The following RUBCNL variants were observed in gnomAD, a reference collection of about 807,000 sequenced individuals.
The protein encoded by RUBCNL is protein associated with UVRAG as autophagy enhancer.
RUBCNL carries 62 observed loss-of-function variants against 69.5 expected under a neutral mutation model. The observed-to-expected ratio is 0.89, with a 90% CI of 0.73 to 1.10. RUBCNL has a LOEUF of 1.10. Among genes scored for constraint, RUBCNL ranks in the 50% least tolerant of loss-of-function variants. The probability of loss-of-function intolerance (pLI) is 0.00; values close to 1 mark genes in which losing one functional copy is unlikely to be tolerated. For synonymous variants in RUBCNL, 291 were observed against 303.6 expected, an observed-to-expected ratio of 0.96 and a Z score of 0.43; for missense variants, 768 against 798.1, an observed-to-expected ratio of 0.96 and a Z score of 0.45.
At chr13:46,350,381 C>A in intron 10 of RUBCNL, 30 bp from the exon 11 acceptor site, 3 of 1,479,672 alleles carry the variant, frequency 2.0e-6, no homozygotes, top group Non-Finnish European at 2.7e-6. Context: ...GTGAGTGCCA[C>A]ACCTGGTGCT....
Position 46,350,265 on chromosome 13 carries a change from C to T in RUBCNL, c.1417G>A (p.Ala473Thr), listed in dbSNP as rs373829399. 2.5e-6 allele frequency: 4 copies of T among 1,589,628 alleles called. No homozygotes were observed. The African/African-American group carries it at 5.4e-5, about 21-fold the overall frequency. The change falls in exon 11 of 15, where the codon GCC becomes ACC. Residue 473 changes from alanine to threonine, a missense_variant. Physicochemically the swap from Ala to Thr is moderately conservative, Grantham distance 58 (BLOSUM62 0). Coordinates refer to ENST00000429979, the MANE Select transcript of RUBCNL (RefSeq NM_025113.5). The stretch of plus-strand genomic sequence containing the variant: ...AAGTCCCACATCATCAGGATTCGGG[C>T]AGGGATGCACGACTCTGCATATGAG... ...CHSYAESCIP[A>T]RILMMWDFKK... is the part of the protein sequence containing the mutation.
chr13:46,372,742 G>T, intron 2 of RUBCNL, 145 bp from the exon 3 acceptor site: 2 of 555,120 alleles, frequency 3.6e-6, no homozygotes, highest in Non-Finnish European at 5.5e-6. Flanking sequence ...GGATTTATAA[G>T]TGAAAAAATA....
In RUBCNL at chr13:46,336,861, C is replaced by T. The variant is rs1299721913; in HGVS notation, c.*6524G>A. Among the ~76,000 whole-genome samples, 1 of 152,004 alleles carries T rather than the reference C, an allele frequency of 6.6e-6. No individual in the cohort carries two copies. The highest frequency in any genetic ancestry group is 1.5e-5 in the Non-Finnish European group (1 of 67,998). ...ATGTGAGGTTAAAGAATTTTTTTCT[C>T]TCTGCATATTCCTTTATTTTTTAAT... On this transcript the variant is annotated 3_prime_UTR_variant, in exon 15 of 15. Coordinates refer to ENST00000429979, the MANE Select transcript of RUBCNL (RefSeq NM_025113.5).
intron 1 of RUBCNL, among the ~76,000 whole-genome samples, chr13:46,379,826 T>C (rs959779442): frequency 2.6e-5 from 4 of 152,248 alleles, no homozygotes; most frequent in African/African-American, 9.6e-5. Flanking sequence ...TCTTCCCTTC[T>C]TTCTCAGGAT....
Position 46,338,138 on chromosome 13 carries a change from C to T in RUBCNL, c.*5247G>A, listed in dbSNP as rs1181505765. Reference sequence around the variant, plus strand: ...GAAAAGGGGAAGCGCCCACCACTCCCATCTGCAGAGCCCATGCAAGAGTAC... The same window carrying T: ...GAAAAGGGGAAGCGCCCACCACTCCTATCTGCAGAGCCCATGCAAGAGTAC... On this transcript the variant is annotated 3_prime_UTR_variant, in exon 15 of 15. Transcript: ENST00000429979. Among the ~76,000 whole-genome samples, 1 of 152,210 alleles carries T rather than the reference C, an allele frequency of 6.6e-6. No homozygotes were observed. Among genetic ancestry groups the T allele is most frequent in the Non-Finnish European group, 1.5e-5 (1 of 68,038 alleles).
At chr13:46,377,339 C>T (rs1194285082) in intron 2 of RUBCNL, among the ~76,000 whole-genome samples, 1 of 152,242 alleles carries the variant, frequency 6.6e-6, no homozygotes, top group Non-Finnish European at 1.5e-5. Flanking sequence ...TCTCGGCTCA[C>T]TGCAACCTCT....
chr13:46,350,477 T>C (rs575647858), intron 10 of RUBCNL, 126 bp from the exon 11 acceptor site: 1 of 687,548 alleles, frequency 1.5e-6, no homozygotes, highest in Non-Finnish European at 2.4e-6. Context: ...GATAAAGCCA[T>C]ACTCAACCTC....
chr13:46,369,249 C>G (rs2048827773), intron 3 of RUBCNL, among the ~76,000 whole-genome samples: 1 of 152,208 alleles, frequency 6.6e-6, no homozygotes. Flanking sequence ...ATATCTCGCT[C>G]TGTCACCCAG....
intron 1 of RUBCNL, among the ~76,000 whole-genome samples, chr13:46,379,228 C>A (rs182780803): frequency 2.3e-3 from 354 of 152,302 alleles, no homozygotes; most frequent in Non-Finnish European, 3.7e-3. Context: ...AGGTGCCCGC[C>A]ACCATGCCTG....
intron 1 of RUBCNL, 46 bp from the exon 2 acceptor site, chr13:46,378,051 AG>A (rs1315367860): frequency 1.0e-6 from 1 of 996,610 alleles, no homozygotes; most frequent in African/African-American, 1.6e-5. Context: ...TACCACTGCC[AG>A]GTATGTTACT....
In RUBCNL at chr13:46,335,551, G is replaced by C. The variant is rs1461735766; in HGVS notation, c.*7834C>G. On this transcript the variant is annotated 3_prime_UTR_variant, in exon 15 of 15. Transcript: ENST00000429979. ...GAGATAGGAGGTTTTTAATTAGGTT[G>C]AACCACACATGAAATTGCCACTTGG... is the stretch of plus-strand genomic sequence containing the variant. Among the ~76,000 whole-genome samples, 2 of 152,188 alleles carry C rather than the reference G, an allele frequency of 1.3e-5. No individual in the cohort carries two copies. Among genetic ancestry groups the C allele is most frequent in the African/African-American group, 4.8e-5 (2 of 41,434 alleles).
chr13:46,358,678 C>T (rs1202412632), intron 9 of RUBCNL, among the ~76,000 whole-genome samples: 3 of 152,086 alleles, frequency 2.0e-5, no homozygotes, highest in Admixed American at 6.6e-5. Context: ...CTCAGCCTCC[C>T]GAGTAGCTGG....
At chr13:46,385,162 C>A (rs2049210339) in intron 1 of RUBCNL, 1 of 426,612 alleles carries the variant, frequency 2.3e-6, no homozygotes, top group South Asian at 9.9e-5. Flanking sequence ...CAGTCTGGTA[C>A]ACAATGTCCT....
In RUBCNL at chr13:46,340,055, T is replaced by C. The variant is rs1187098297; in HGVS notation, c.*3330A>G. 1.3e-5 allele frequency among the ~76,000 whole-genome samples: 2 copies of C among 152,024 alleles called. No homozygotes were observed. Among genetic ancestry groups the C allele is most frequent in the Non-Finnish European group, 2.9e-5 (2 of 67,980 alleles). On this transcript the variant is annotated 3_prime_UTR_variant, in exon 15 of 15. Transcript: ENST00000429979. ...GCAATTCTTGGTGCTCCTTGGCTTG[T>C]AGATGCATCACCCCAACCTCTGCTT...
Position 46,372,396 on chromosome 13 carries a change from T to C in RUBCNL, c.80A>G (p.Asp27Gly). 1 of 1,613,802 alleles carries C rather than the reference T, an allele frequency of 6.2e-7. No homozygotes were observed. Among genetic ancestry groups the C allele is most frequent in the Non-Finnish European group, 8.5e-7 (1 of 1,179,810 alleles). Residue 27 changes from aspartate to glycine, a missense_variant, in exon 3 of 15, where the codon GAT (aspartate) becomes GGT (glycine). Physicochemically the swap from Asp to Gly is moderately conservative, Grantham distance 94. Coordinates refer to ENST00000429979, the MANE Select transcript of RUBCNL (RefSeq NM_025113.5). ...EGISDHSGII[D>G]GSPRLLNTDH... ...AGTGTTCAGGAGTCTGGGCGAACCATCAATAATGCCAGAGTGATCGCTGAT... is the reference window on the plus strand; with the variant it reads ...AGTGTTCAGGAGTCTGGGCGAACCACCAATAATGCCAGAGTGATCGCTGAT...
chr13:46,383,456 A>C (rs2049165357), intron 1 of RUBCNL, among the ~76,000 whole-genome samples: 3 of 152,152 alleles, frequency 2.0e-5, no homozygotes, highest in South Asian at 4.2e-4. Context: ...CTTCCTCCTC[A>C]TCAATTCATA....
Position 46,356,458 on chromosome 13 carries a change from G to T in RUBCNL, c.1304C>A (p.Ala435Asp). ...LVVAAQNFFCAGCGTPVEPKF... is the reference protein window; with the variant it reads ...LVVAAQNFFCDGCGTPVEPKF... ...AGGCTCTACTGGAGTTCCACAGCCG[G>T]CACAGAAAAAATTCTGGGCTGCCAC... The change falls in exon 10 of 15, where the codon GCC becomes GAC. Residue 435 changes from alanine to aspartate, a missense_variant. Transcript: ENST00000429979. The T allele has an allele frequency of 6.2e-7, 1 of 1,613,852 alleles. No homozygotes were observed. Among genetic ancestry groups the T allele is most frequent in the South Asian group, 1.1e-5 (1 of 91,068 alleles).
At chr13:46,348,727 C>G (rs571585037) in intron 12 of RUBCNL, among the ~76,000 whole-genome samples, 4 of 151,944 alleles carry the variant, frequency 2.6e-5, no homozygotes, top group African/African-American at 7.2e-5. Flanking sequence ...CCTCAGCCTC[C>G]CAAGTAGCTG....
intron 2 of RUBCNL, among the ~76,000 whole-genome samples, chr13:46,374,154 A>G (rs1053088771): frequency 1.3e-5 from 2 of 152,040 alleles, no homozygotes; most frequent in Non-Finnish European, 2.9e-5. Flanking sequence ...ATCTCGGCTC[A>G]CTCCAACCTC....
Sources: allele counts gnomAD v4.1 joint callset (sites outside exome capture counted in the v4.1 genomes callset), GRCh38; gene constraint gnomAD v4.1.1; transcripts MANE v1.5; gene names NCBI Gene and HGNC (gene_info 2026-07-23, HGNC 2026-07-21).